The following PREX2 variants were observed in gnomAD, a reference collection of about 807,000 sequenced individuals.
PREX2 encodes phosphatidylinositol 3,4,5-trisphosphate-dependent Rac exchanger 2 protein.
In PREX2, 107 loss-of-function variants were observed where a neutral mutation model predicts 203.2. That is an observed-to-expected ratio of 0.53 (90% CI 0.45 to 0.62). PREX2 has a LOEUF of 0.62. Ranked by LOEUF, PREX2 falls within the 20% of genes least tolerant of loss-of-function variation. The pLI is 0.00. For missense variants in PREX2, 1,777 were observed against 1,955.9 expected, an observed-to-expected ratio of 0.91 and a Z score of 1.72; for synonymous variants, 672 against 663.6, an observed-to-expected ratio of 1.01 and a Z score of -0.19.
chr8:68,028,992 A>G (rs1475328012), intron 5 of PREX2, among the ~76,000 whole-genome samples: 1 of 152,086 alleles, frequency 6.6e-6, no homozygotes, highest in Non-Finnish European at 1.5e-5. Flanking sequence ...TCCACAAAGC[A>G]ACATGAAAAA....
chr8:68,137,560 C>T (rs530192068), intron 32 of PREX2, among the ~76,000 whole-genome samples: 107 of 152,218 alleles, frequency 7.0e-4, no homozygotes, highest in Non-Finnish European at 9.6e-4. Flanking sequence ...TGTGAGCCAC[C>T]GTGCCTGACC....
At chr8:68,166,122 T>C (rs1811757028) in intron 35 of PREX2, among the ~76,000 whole-genome samples, 1 of 152,186 alleles carries the variant, frequency 6.6e-6, no homozygotes, top group African/African-American at 2.4e-5. Context: ...CTGAATCATC[T>C]GTCTAAAGAC....
chr8:68,183,233 A>C (rs1812120185), intron 35 of PREX2, among the ~76,000 whole-genome samples: 1 of 152,148 alleles, frequency 6.6e-6, no homozygotes, highest in Non-Finnish European at 1.5e-5. Context: ...GAGAAAGGAC[A>C]TGGTGGAAAA....
intron 1 of PREX2, among the ~76,000 whole-genome samples, chr8:67,968,558 A>AT (rs940892815): frequency 1.3e-5 from 2 of 152,256 alleles, no homozygotes; most frequent in African/African-American, 2.4e-5. Context: ...AGCTGTCTGT[A>AT]TTTTTTTGAT....
intron 25 of PREX2, chr8:68,114,173 T>C (rs902737759): frequency 3.4e-6 from 1 of 297,766 alleles, no homozygotes; most frequent in African/African-American, 2.2e-5. Context: ...TTTTGTGTGT[T>C]TTATAAACTA....
rs920645077 is a variant in PREX2, at chr8:68,055,738, A to T, written c.1094-92A>T. On this transcript the variant is annotated intron_variant, in intron 9 of 39. Transcript: ENST00000288368. ...ATCCACAACCCCCAGCACATGGTAG[A>T]CCTGCAACAAATGCTTGCTTAATGA... 912 of 1,184,016 alleles carry T rather than the reference A, an allele frequency of 7.7e-4. 11 individuals are homozygous for T. The highest frequency in any genetic ancestry group is 7.6e-4 in the Admixed American group (38 of 50,074). The allele number at this position is 1,184,016 out of a possible 1,614,324, so 73.3% of individuals were successfully genotyped here.
At chr8:68,054,363 G>GAA (rs34760459) in intron 9 of PREX2, among the ~76,000 whole-genome samples, 7 of 134,964 alleles carry the variant, frequency 5.2e-5, no homozygotes, top group South Asian at 2.3e-4. Context: ...GCACCCAAGA[G>GAA]AAAAAAACAA....
rs150091537 is a variant in PREX2, at chr8:68,155,199, TA to T, written c.4232-2121del. ...ACTTGCAGAAGCCTTTAATTTAAAG[TA>T]ATCAGTATACCAAAGTGTCATATTT... is the stretch of plus-strand genomic sequence containing the variant. On this transcript the variant is annotated intron_variant, in intron 34 of 39. Coordinates refer to ENST00000288368, the MANE Select transcript of PREX2 (RefSeq NM_024870.4). Among the ~76,000 whole-genome samples, 1,477 of 152,220 alleles carry T rather than the reference TA, an allele frequency of 9.7e-3. 12 individuals carry two copies. The highest frequency in any genetic ancestry group is 0.031 in the Middle Eastern group (9 of 294).
rs768912558 is a variant in PREX2, at chr8:68,114,358, G to A, written c.3147-1395G>A. 4 of 494,230 alleles carry A rather than the reference G, an allele frequency of 8.1e-6. No individual in the cohort carries two copies. In the Admixed American group the frequency reaches 8.3e-5, roughly 10 times the overall value. The allele number at this position is 494,230 out of a possible 1,614,324, so 30.6% of individuals were successfully genotyped here. On this transcript the variant is annotated intron_variant, in intron 25 of 39. Transcript: ENST00000288368. ...AAACATTACATTGCTATGGAAAAAT[G>A]AGAATCAAGATATGTGCTACTGATT...
chr8:68,088,541 A>T (rs1384313209), intron 19 of PREX2, among the ~76,000 whole-genome samples: 1 of 152,182 alleles, frequency 6.6e-6, no homozygotes, highest in Non-Finnish European at 1.5e-5. Context: ...GATCACCCAA[A>T]AATTTGGCAA....
chr8:68,105,157 T>C (rs1810372247), intron 23 of PREX2: 1 of 1,367,748 alleles, frequency 7.3e-7, no homozygotes, highest in Non-Finnish European at 9.8e-7. Context: ...TCAGAAAGGT[T>C]TTACAATTTC....
intron 11 of PREX2, among the ~76,000 whole-genome samples, chr8:68,064,032 T>G (rs1338913315): frequency 2.0e-5 from 3 of 152,192 alleles, no homozygotes; most frequent in Non-Finnish European, 4.4e-5. Flanking sequence ...ATTGAGAACT[T>G]CACCATCAGC....
intron 1 of PREX2, among the ~76,000 whole-genome samples, chr8:68,012,837 C>T (rs776029897): frequency 2.0e-4 from 31 of 152,120 alleles, no homozygotes; most frequent in African/African-American, 6.8e-4. Flanking sequence ...CTGTGAGCAC[C>T]GGACAGTCCT....
chr8:68,206,781 A>G (rs1585864691), intron 37 of PREX2, among the ~76,000 whole-genome samples: 1 of 152,168 alleles, frequency 6.6e-6, no homozygotes, highest in Non-Finnish European at 1.5e-5. Context: ...GCACTTTGCT[A>G]CCCCAGCCTG....
intron 35 of PREX2, among the ~76,000 whole-genome samples, chr8:68,173,850 C>G (rs1275942411): frequency 6.6e-6 from 1 of 152,032 alleles, no homozygotes; most frequent in Non-Finnish European, 1.5e-5. Flanking sequence ...AAGGGAAGAT[C>G]AAAGTATTTG....
In PREX2 at chr8:68,108,244, T is replaced by A; in HGVS notation, c.2851T>A (p.Ser951Thr). 1 of 1,613,870 alleles carries A rather than the reference T, an allele frequency of 6.2e-7. No homozygotes were observed. Among genetic ancestry groups the A allele is most frequent in the African/African-American group, 1.3e-5 (1 of 75,040 alleles). Residue 951 changes from serine (S) to threonine (T), a missense_variant, in exon 24 of 40, where the codon TCA becomes ACA. Transcript: ENST00000288368. ...GATGGAAGTTTCTTATCCCAAAACATCAACCTCTTTGGGAAGTGCATTTGG... is the reference window on the plus strand; with the variant it reads ...GATGGAAGTTTCTTATCCCAAAACAACAACCTCTTTGGGAAGTGCATTTGG... ...NVMEVSYPKT[S>T]TSLGSAFGVQ... is the part of the protein sequence containing the mutation.
chr8:68,011,261 A>G (rs1401552809), intron 1 of PREX2, among the ~76,000 whole-genome samples: 5 of 152,030 alleles, frequency 3.3e-5, no homozygotes, highest in African/African-American at 1.2e-4. Context: ...TCGCTCAAAC[A>G]CTTCAAGAAC....
Position 68,022,262 on chromosome 8 carries a change from A to G in PREX2, c.441+122A>G, listed in dbSNP as rs535030526. 90 of 593,400 alleles carry G rather than the reference A, an allele frequency of 1.5e-4. 1 individual carries two copies. Among genetic ancestry groups the G allele is most frequent in the African/African-American group, 1.4e-3 (75 of 53,498 alleles). The allele number at this position is 593,400 out of a possible 1,614,324, so 36.8% of individuals were successfully genotyped here. On this transcript the variant is annotated intron_variant, in intron 4 of 39. Coordinates refer to ENST00000288368, the MANE Select transcript of PREX2 (RefSeq NM_024870.4). ...ATACCTCTGTTAGCATCCCCAGGCGAGGAAGCAAGAGTCCTTTGATGAAAA... is the reference window on the plus strand; with the variant it reads ...ATACCTCTGTTAGCATCCCCAGGCGGGGAAGCAAGAGTCCTTTGATGAAAA...
At chr8:68,119,559 T>C (rs748898189) in intron 28 of PREX2, 45 bp downstream of exon 28, 26 of 1,386,958 alleles carry the variant, frequency 1.9e-5, no homozygotes, top group African/African-American at 5.7e-5. Context: ...AACTAAACTG[T>C]GAGGAGTCCC....
Sources: allele counts gnomAD v4.1 joint callset (sites outside exome capture counted in the v4.1 genomes callset), GRCh38; gene constraint gnomAD v4.1.1; transcripts MANE v1.5; gene names NCBI Gene and HGNC (gene_info 2026-07-23, HGNC 2026-07-21).